The following CHRNA7 variants were observed in gnomAD, a reference collection of about 807,000 sequenced individuals.
The protein encoded by CHRNA7 is cholinergic receptor nicotinic alpha 7 subunit, also known as neuronal acetylcholine receptor subunit alpha-7.
CHRNA7 carries 17 observed loss-of-function variants against 48.0 expected under a neutral mutation model. The observed-to-expected ratio is 0.35, with a 90% CI of 0.24 to 0.53. The LOEUF (loss-of-function observed/expected upper bound fraction) is 0.53, where lower values mean the gene tolerates loss of function less well. Among genes scored for constraint, CHRNA7 ranks in the 20% least tolerant of loss-of-function variants. The pLI is 0.92. For missense variants in CHRNA7, 155 were observed against 577.7 expected, an observed-to-expected ratio of 0.27 and a Z score of 7.50; for synonymous variants, 75 against 242.3, an observed-to-expected ratio of 0.31 and a Z score of 6.41.
intron 4 of CHRNA7, among the ~76,000 whole-genome samples, chr15:32,129,756 C>T (rs2051125504): frequency 6.6e-6 from 1 of 151,128 alleles, no homozygotes; most frequent in Non-Finnish European, 1.5e-5. Context: ...TTACTTCCTT[C>T]TACTTGTGGG....
chr15:32,067,563 TAA>T (rs1231584543), intron 2 of CHRNA7, among the ~76,000 whole-genome samples: 1 of 150,238 alleles, frequency 6.7e-6, no homozygotes, highest in Non-Finnish European at 1.5e-5. Context: ...TTGGGATCTA[TAA>T]AGAGATAAAG....
chr15:32,057,304 A>G (rs11071515), intron 2 of CHRNA7, among the ~76,000 whole-genome samples: 5,315 of 152,280 alleles, frequency 0.035, 136 homozygotes, highest in Middle Eastern at 0.1. Context: ...GGATCTGATG[A>G]TGAAGGTTGT....
At chr15:32,097,180 C>T (rs757447205) in intron 2 of CHRNA7, among the ~76,000 whole-genome samples, 2 of 152,122 alleles carry the variant, frequency 1.3e-5, no homozygotes, top group Non-Finnish European at 2.9e-5. Flanking sequence ...GAGTCGGGAG[C>T]CCCCAGGGTC....
At chr15:32,105,379 A>G (rs949640725) in intron 3 of CHRNA7, among the ~76,000 whole-genome samples, 1 of 151,430 alleles carries the variant, frequency 6.6e-6, no homozygotes, top group Non-Finnish European at 1.5e-5. Flanking sequence ...AGGAGGAGGA[A>G]AAAAGGAGGA....
chr15:32,108,958 A>T (rs1026220216), intron 3 of CHRNA7, among the ~76,000 whole-genome samples: 1 of 152,090 alleles, frequency 6.6e-6, no homozygotes, highest in African/African-American at 2.4e-5. Context: ...TCTGATGCGG[A>T]TGCTTTTGGC....
chr15:32,134,535 A>T (rs1040068830), intron 4 of CHRNA7, among the ~76,000 whole-genome samples: 4 of 152,218 alleles, frequency 2.6e-5, no homozygotes, highest in Non-Finnish European at 4.4e-5. Context: ...TGAAAACTGT[A>T]TGAGGAATGA....
rs371640085 is a variant in CHRNA7, at chr15:32,136,924, T to C, written c.351-16983T>C. ...GCGGGCGCCTGTAGTCCCAGCTACT[T>C]GGGAGGCTGAGGCAGGAGAATGGCG... On this transcript the variant is annotated intron_variant, in intron 4 of 9. Transcript: ENST00000306901. Among the ~76,000 whole-genome samples, 1,375 of 142,856 alleles carry C rather than the reference T, an allele frequency of 9.6e-3. 35 individuals carry two copies. Among genetic ancestry groups the C allele is most frequent in the African/African-American group, 0.035 (1,285 of 36,888 alleles). 93.7% of individuals were successfully genotyped at this position (142,856 alleles called of 152,430 possible).
chr15:32,146,111 A>C (rs778539301), intron 4 of CHRNA7, among the ~76,000 whole-genome samples: 18 of 152,246 alleles, frequency 1.2e-4, no homozygotes, highest in Non-Finnish European at 2.2e-4. Context: ...CAATAAGTTA[A>C]AAATAAATCC....
intron 2 of CHRNA7, among the ~76,000 whole-genome samples, chr15:32,046,598 A>G (rs1819209489): frequency 2.0e-5 from 3 of 152,010 alleles, no homozygotes; most frequent in Non-Finnish European, 2.9e-5. Context: ...GGTCGCGAAA[A>G]GTTTCTCCCA....
At chr15:32,080,761 A>G (rs2050203494) in intron 2 of CHRNA7, among the ~76,000 whole-genome samples, 1 of 152,218 alleles carries the variant, frequency 6.6e-6, no homozygotes, top group Non-Finnish European at 1.5e-5. Context: ...TAGAACCAGA[A>G]ATACCATTTG....
chr15:32,074,813 A>G (rs2050112152), intron 2 of CHRNA7, among the ~76,000 whole-genome samples: 1 of 151,776 alleles, frequency 6.6e-6, no homozygotes, highest in Non-Finnish European at 1.5e-5. Flanking sequence ...ACGCCCAGCT[A>G]ATTTTTTGTA....
intron 2 of CHRNA7, among the ~76,000 whole-genome samples, chr15:32,050,918 C>A (rs1050313926): frequency 3.3e-5 from 5 of 152,316 alleles, no homozygotes; most frequent in African/African-American, 9.6e-5. Flanking sequence ...CCACTCCAGA[C>A]CCTGTTTGCC....
chr15:32,061,204 G>A (rs1195471193), intron 2 of CHRNA7, among the ~76,000 whole-genome samples: 1 of 152,140 alleles, frequency 6.6e-6, no homozygotes, highest in African/African-American at 2.4e-5. Flanking sequence ...GCCAAACAGT[G>A]GAGGCTCAGG....
At chr15:32,064,495 G>GTT (rs1480167269) in intron 2 of CHRNA7, among the ~76,000 whole-genome samples, 6 of 151,174 alleles carry the variant, frequency 4.0e-5, no homozygotes, top group Non-Finnish European at 8.9e-5. Context: ...GTGTGTGTAT[G>GTT]TGTGTGTATG....
chr15:32,101,971 A>G (rs1026300175), intron 3 of CHRNA7: 1 of 152,232 alleles, frequency 6.6e-6, no homozygotes, highest in African/African-American at 2.4e-5. Flanking sequence ...TTTGGTGCCC[A>G]TCTCATTCAA....
At chr15:32,093,464 A>C (rs886774303) in intron 2 of CHRNA7, among the ~76,000 whole-genome samples, 2 of 152,208 alleles carry the variant, frequency 1.3e-5, no homozygotes, top group Non-Finnish European at 2.9e-5. Context: ...CCAAGTGGAC[A>C]TCAGGTTGGG....
In CHRNA7 at chr15:32,030,767, C is replaced by T. The variant is rs546854304; in HGVS notation, c.55+118C>T. Reference sequence around the variant, plus strand: ...GGATCTCCCCGCCGCCGGGGAGGGGCAGCGGGGGCGCTGCGGGGGCTGCTT... The same window carrying T: ...GGATCTCCCCGCCGCCGGGGAGGGGTAGCGGGGGCGCTGCGGGGGCTGCTT... On this transcript the variant is annotated intron_variant, in intron 1 of 9. Transcript: ENST00000306901. The T allele has an allele frequency of 4.4e-4, 665 of 1,506,998 alleles. 3 individuals are homozygous for T. In the African/African-American group the frequency reaches 9.1e-3, roughly 21 times the overall value. 93.4% of individuals were successfully genotyped at this position (1,506,998 alleles called of 1,614,324 possible). A position where few individuals can be genotyped will look rare whatever the true frequency, so the allele number is the denominator to read the frequency against.
chr15:32,082,891 T>A (rs1359064669), intron 2 of CHRNA7, among the ~76,000 whole-genome samples: 5 of 152,104 alleles, frequency 3.3e-5, no homozygotes, highest in Non-Finnish European at 4.4e-5. Context: ...TACCAACACT[T>A]TGGGAGGCCG....
At chr15:32,148,239 T>A (rs2051533496) in intron 4 of CHRNA7, among the ~76,000 whole-genome samples, 1 of 152,228 alleles carries the variant, frequency 6.6e-6, no homozygotes, top group South Asian at 2.1e-4. Flanking sequence ...TTTACCTGAA[T>A]GCAGAGGCTC....
Sources: gnomAD v4.1 joint callset for allele counts (sites outside exome capture counted in the v4.1 genomes callset) on GRCh38, gnomAD v4.1.1 for gene constraint, MANE v1.5 for transcripts, NCBI Gene and HGNC (gene_info 2026-07-23, HGNC 2026-07-21) for gene names.